The following FAR2 variants were observed in gnomAD, a reference collection of about 807,000 sequenced individuals.
The protein encoded by FAR2 is fatty acyl-CoA reductase 2.
In FAR2, 19 loss-of-function variants were observed where a neutral mutation model predicts 56.0. The ratio of observed to expected loss-of-function variants is 0.34; its 90% CI spans 0.24 to 0.50. FAR2 has a LOEUF of 0.50. FAR2 is among the 20% of genes least tolerant of loss of function. FAR2 has a pLI of 0.98. For missense variants in FAR2, 508 were observed against 642.2 expected, an observed-to-expected ratio of 0.79 and a Z score of 2.26; for synonymous variants, 219 against 218.8, an observed-to-expected ratio of 1.00 and a Z score of -0.01.
intron 10 of FAR2, among the ~76,000 whole-genome samples, chr12:29,326,876 C>T (rs1295313814): frequency 6.6e-6 from 1 of 151,986 alleles, no homozygotes; most frequent in African/African-American, 2.4e-5. Flanking sequence ...CACTCCTATT[C>T]AACATAGTGT....
At chr12:29,285,573 G>GGGAA (rs376222431) in intron 2 of FAR2, among the ~76,000 whole-genome samples, 5 of 151,978 alleles carry the variant, frequency 3.3e-5, no homozygotes, top group African/African-American at 1.2e-4. Context: ...GAGGGAAGGA[G>GGGAA]GGAAGGAAGG....
intron 10 of FAR2, among the ~76,000 whole-genome samples, chr12:29,326,585 A>G (rs909281018): frequency 2.6e-5 from 4 of 152,262 alleles, no homozygotes; most frequent in Non-Finnish European, 4.4e-5. Context: ...CTGGGATGCA[A>G]GGCTGGTTCA....
chr12:29,281,717 T>C (rs7139273), intron 2 of FAR2, among the ~76,000 whole-genome samples: 65,641 of 150,590 alleles, frequency 0.44, 15,335 homozygotes, highest in African/African-American at 0.62. Context: ...AGAAAGAAGG[T>C]GTATACATTA....
Position 29,307,643 on chromosome 12 carries a change from T to G in FAR2, c.546-15T>G, listed in dbSNP as rs1949273309. 6.3e-7 allele frequency: 1 copy of G among 1,585,714 alleles called. No homozygotes were observed. The highest frequency in any genetic ancestry group is 1.4e-5 in the African/African-American group (1 of 69,064). Reference sequence around the variant, plus strand: ...TAACATATGTTACTAGAATTCTCTTTACTCTACCTTTTAGGTGGTTAGACG... The same window carrying G: ...TAACATATGTTACTAGAATTCTCTTGACTCTACCTTTTAGGTGGTTAGACG... On this transcript the variant is annotated splice_polypyrimidine_tract_variant and intron_variant, in intron 4 of 11. Transcript: ENST00000536681.
At chr12:29,207,059 AAGAG>A (rs1451221097) in intron 1 of FAR2, among the ~76,000 whole-genome samples, 1 of 152,088 alleles carries the variant, frequency 6.6e-6, no homozygotes, top group Non-Finnish European at 1.5e-5. Context: ...GAGAGAAAAA[AAGAG>A]AGAAGGCAGA....
At chr12:29,251,685 A>T (rs1948213794) in intron 1 of FAR2, among the ~76,000 whole-genome samples, 1 of 152,188 alleles carries the variant, frequency 6.6e-6, no homozygotes, top group Admixed American at 6.5e-5. Flanking sequence ...AAAGGCTAAG[A>T]AGAAACAACT....
intron 9 of FAR2, among the ~76,000 whole-genome samples, chr12:29,318,678 G>T (rs946211241): frequency 1.3e-5 from 2 of 152,164 alleles, no homozygotes; most frequent in African/African-American, 4.8e-5. Flanking sequence ...TTTGCAGTAG[G>T]GGGGTATGTG....
intron 1 of FAR2, among the ~76,000 whole-genome samples, chr12:29,175,658 G>C (rs1447544215): frequency 6.6e-6 from 1 of 152,216 alleles, no homozygotes; most frequent in Non-Finnish European, 1.5e-5. Flanking sequence ...GGTCCATTTT[G>C]CAGAATGCTG....
intron 1 of FAR2, among the ~76,000 whole-genome samples, chr12:29,230,398 CTG>C (rs999808880): frequency 4.0e-5 from 6 of 151,838 alleles, no homozygotes; most frequent in African/African-American, 1.2e-4. Flanking sequence ...ACAGACAGCA[CTG>C]TGTCTGAGTA....
Position 29,334,805 on chromosome 12 carries a change from G to C in FAR2, c.*1011G>C, listed in dbSNP as rs910253611. 3.3e-5 allele frequency: 5 copies of C among 152,148 alleles called. No homozygotes were observed. The highest frequency in any genetic ancestry group is 1.2e-4 in the African/African-American group (5 of 41,432). The allele number at this position is 152,148 out of a possible 1,614,324, so 9.4% of individuals were successfully genotyped here. A position where few individuals can be genotyped will look rare whatever the true frequency, so the allele number is the denominator to read the frequency against. Reference sequence around the variant, plus strand: ...TACTAGTATCTTGGTCATTCCAATTGCACAATGTTAACTGTACAACACACA... The same window carrying C: ...TACTAGTATCTTGGTCATTCCAATTCCACAATGTTAACTGTACAACACACA... On this transcript the variant is annotated 3_prime_UTR_variant, in exon 12 of 12. Transcript: ENST00000536681.
chr12:29,224,402 T>C (rs948786122), intron 1 of FAR2, among the ~76,000 whole-genome samples: 2 of 152,186 alleles, frequency 1.3e-5, no homozygotes, highest in African/African-American at 4.8e-5. Context: ...CAAACATAGA[T>C]TAAAGTAGCA....
intron 1 of FAR2, among the ~76,000 whole-genome samples, chr12:29,245,337 G>A (rs1347146176): frequency 1.3e-5 from 2 of 152,132 alleles, no homozygotes; most frequent in Non-Finnish European, 1.5e-5. Flanking sequence ...TTACAAATGA[G>A]GAAATAGCAA....
At chr12:29,253,756 A>T (rs1948272037) in intron 1 of FAR2, among the ~76,000 whole-genome samples, 1 of 152,110 alleles carries the variant, frequency 6.6e-6, no homozygotes, top group Non-Finnish European at 1.5e-5. Context: ...ATGCTGTTTG[A>T]CTTACCTTTT....
chr12:29,288,542 T>G (rs903609003), intron 2 of FAR2, among the ~76,000 whole-genome samples: 5 of 152,178 alleles, frequency 3.3e-5, no homozygotes, highest in Non-Finnish European at 7.4e-5. Flanking sequence ...AAAGAAAATT[T>G]TTTTTAGAAG....
intron 1 of FAR2, among the ~76,000 whole-genome samples, chr12:29,175,063 A>G (rs1318026030): frequency 1.3e-5 from 2 of 152,198 alleles, no homozygotes; most frequent in Non-Finnish European, 2.9e-5. Flanking sequence ...TCATGTCTTT[A>G]GTCTGGCAGC....
Position 29,324,845 on chromosome 12 carries a change from C to T in FAR2, c.1257+2921C>T, listed in dbSNP as rs192482644. On this transcript the variant is annotated intron_variant, in intron 10 of 11. Transcript: ENST00000536681. ...GCTAGGAAGAAACTGCATCAACTAA[C>T]GAGCAAAATAACCAGCTAACATCAT... Among the ~76,000 whole-genome samples, 368 of 152,262 alleles carry T rather than the reference C, an allele frequency of 2.4e-3. 1 individual carries two copies. Among genetic ancestry groups the T allele is most frequent in the African/African-American group, 8.5e-3 (352 of 41,544 alleles).
chr12:29,294,549 C>T (rs372397695), intron 3 of FAR2, among the ~76,000 whole-genome samples: 32 of 152,292 alleles, frequency 2.1e-4, no homozygotes, highest in African/African-American at 7.2e-4. Flanking sequence ...GGAGTTTCAT[C>T]ATGTTGGCCA....
At chr12:29,248,921 A>C (rs888258663) in intron 1 of FAR2, among the ~76,000 whole-genome samples, 2 of 152,218 alleles carry the variant, frequency 1.3e-5, no homozygotes, top group African/African-American at 4.8e-5. Context: ...CGGCGGTCAG[A>C]GTTTAAGGGT....
At chr12:29,252,647 A>G (rs1948232496) in intron 1 of FAR2, among the ~76,000 whole-genome samples, 1 of 152,266 alleles carries the variant, frequency 6.6e-6, no homozygotes, top group African/African-American at 2.4e-5. Flanking sequence ...AAAAGTAAAC[A>G]TCAACCAAGA....
Sources: allele counts gnomAD v4.1 joint callset (sites outside exome capture counted in the v4.1 genomes callset), GRCh38; gene constraint gnomAD v4.1.1; transcripts MANE v1.5; gene names NCBI Gene and HGNC (gene_info 2026-07-23, HGNC 2026-07-21).